The following SHROOM3 variants were observed in gnomAD, a reference collection of about 807,000 sequenced individuals.
SHROOM3 encodes the protein shroom family member 3, also known as protein Shroom3.
In SHROOM3, 47 loss-of-function variants were observed where a neutral mutation model predicts 138.6. That is an observed-to-expected ratio of 0.34 (90% CI 0.27 to 0.43). The LOEUF is 0.43. Ranked by LOEUF, SHROOM3 falls within the 20% of genes least tolerant of loss-of-function variation. The probability of loss-of-function intolerance (pLI) is 1.00; values close to 1 mark genes in which losing one functional copy is unlikely to be tolerated. For missense variants in SHROOM3, 2,491 were observed against 2,596.5 expected, an observed-to-expected ratio of 0.96 and a Z score of 0.88; for synonymous variants, 1,062 against 1,063.3, an observed-to-expected ratio of 1.00 and a Z score of 0.02.
At chr4:76,711,873 T>C (rs1420790207) in intron 3 of SHROOM3, among the ~76,000 whole-genome samples, 1 of 151,052 alleles carries the variant, frequency 6.6e-6, no homozygotes, top group Non-Finnish European at 1.5e-5. Flanking sequence ...AGTTTAAACA[T>C]ACCAAAGGTC....
At chr4:76,472,864 T>C (rs2109983045) in intron 1 of SHROOM3, among the ~76,000 whole-genome samples, 1 of 152,226 alleles carries the variant, frequency 6.6e-6, no homozygotes, top group East Asian at 1.9e-4. Flanking sequence ...CCAGCTAATT[T>C]TTGTATTTTT....
chr4:76,469,553 T>A (rs893630904), intron 1 of SHROOM3, among the ~76,000 whole-genome samples: 2 of 151,950 alleles, frequency 1.3e-5, no homozygotes, highest in Admixed American at 6.6e-5. Context: ...GCCTCCCAGG[T>A]TCAAGCAATT....
At chr4:76,751,733 A>G (rs62303167) in intron 6 of SHROOM3, among the ~76,000 whole-genome samples, 23,357 of 152,220 alleles carry the variant, frequency 0.15, 2,240 homozygotes, top group East Asian at 0.36. Flanking sequence ...ACCACTAATC[A>G]TCAGAGAACT....
At chr4:76,576,283 G>T (rs903628642) in intron 2 of SHROOM3, among the ~76,000 whole-genome samples, 1 of 152,086 alleles carries the variant, frequency 6.6e-6, no homozygotes, top group African/African-American at 2.4e-5. Flanking sequence ...TAAAGAAAAT[G>T]TGGTACTTAC....
intron 1 of SHROOM3, among the ~76,000 whole-genome samples, chr4:76,461,429 G>GAAA (rs1176562902): frequency 6.6e-6 from 1 of 152,152 alleles, no homozygotes; most frequent in Non-Finnish European, 1.5e-5. Flanking sequence ...AAAGAGTTTG[G>GAAA]AAATTAGAAT....
At chr4:76,772,655 A>G (rs1237807026) in intron 10 of SHROOM3, among the ~76,000 whole-genome samples, 1 of 152,160 alleles carries the variant, frequency 6.6e-6, no homozygotes, top group Admixed American at 6.5e-5. Context: ...CTAACTCAGA[A>G]GTGTGTCCTG....
intron 1 of SHROOM3, among the ~76,000 whole-genome samples, chr4:76,461,790 C>T (rs1261348449): frequency 1.3e-5 from 2 of 152,158 alleles, no homozygotes; most frequent in Non-Finnish European, 2.9e-5. Flanking sequence ...TATTGCTTTG[C>T]TCAAGTTATC....
intron 2 of SHROOM3, among the ~76,000 whole-genome samples, chr4:76,654,582 G>C (rs774761938): frequency 6.6e-6 from 1 of 152,164 alleles, no homozygotes; most frequent in Non-Finnish European, 1.5e-5. Context: ...AAGAGTGAAA[G>C]CAGGGAGACA....
At chr4:76,573,039 C>G (rs1280929058) in intron 2 of SHROOM3, among the ~76,000 whole-genome samples, 2 of 151,560 alleles carry the variant, frequency 1.3e-5, no homozygotes, top group African/African-American at 4.9e-5. Flanking sequence ...TGAGATTGCA[C>G]CACTGCACTC....
intron 1 of SHROOM3, among the ~76,000 whole-genome samples, chr4:76,484,570 C>G (rs1437280819): frequency 7.1e-6 from 1 of 139,950 alleles, no homozygotes; most frequent in East Asian, 2.1e-4. Flanking sequence ...GACCCTTACT[C>G]TAAAACAAAC....
intron 2 of SHROOM3, among the ~76,000 whole-genome samples, chr4:76,565,848 A>C (rs1305895623): frequency 1.3e-5 from 2 of 152,126 alleles, no homozygotes; most frequent in Non-Finnish European, 2.9e-5. Context: ...GGCTGGGTGC[A>C]GTAATCCCTA....
intron 2 of SHROOM3, among the ~76,000 whole-genome samples, chr4:76,568,386 A>T (rs1733771070): frequency 6.6e-6 from 1 of 152,114 alleles, no homozygotes; most frequent in African/African-American, 2.4e-5. Flanking sequence ...AGCGTTAGTT[A>T]TTTTTCCTGC....
chr4:76,666,582 T>C (rs1577961509), intron 2 of SHROOM3, among the ~76,000 whole-genome samples: 1 of 152,214 alleles, frequency 6.6e-6, no homozygotes, highest in Non-Finnish European at 1.5e-5. Flanking sequence ...CGGCCTGTTA[T>C]GTAGTCTTTA....
intron 2 of SHROOM3, among the ~76,000 whole-genome samples, chr4:76,562,520 T>C (rs1393608472): frequency 6.6e-6 from 1 of 152,194 alleles, no homozygotes; most frequent in Non-Finnish European, 1.5e-5. Context: ...CTTTTTTAAG[T>C]CCTCTGAAAG....
chr4:76,603,707 T>C (rs1734556856), intron 2 of SHROOM3, among the ~76,000 whole-genome samples: 3 of 152,052 alleles, frequency 2.0e-5, no homozygotes, highest in African/African-American at 7.2e-5. Flanking sequence ...ACATTAGGTA[T>C]TTCTCCTAAC....
intron 1 of SHROOM3, among the ~76,000 whole-genome samples, chr4:76,530,771 C>G (rs1394740059): frequency 6.6e-6 from 1 of 152,124 alleles, no homozygotes; most frequent in Non-Finnish European, 1.5e-5. Flanking sequence ...GCAGAGAGGA[C>G]CAGATTGACA....
intron 1 of SHROOM3, among the ~76,000 whole-genome samples, chr4:76,550,926 G>C (rs898647523): frequency 2.0e-5 from 3 of 150,048 alleles, no homozygotes; most frequent in African/African-American, 7.4e-5. Flanking sequence ...TTGGGTCCAG[G>C]AGTTTGAGGC....
At chr4:76,671,273 C>G (rs918679936) in intron 2 of SHROOM3, among the ~76,000 whole-genome samples, 28 of 152,328 alleles carry the variant, frequency 1.8e-4, no homozygotes, top group African/African-American at 6.5e-4. Context: ...CTGGCCTTGC[C>G]CCACTCCATC....
chr4:76,702,043 A>G (rs1577983138), intron 2 of SHROOM3, among the ~76,000 whole-genome samples: 2 of 152,368 alleles, frequency 1.3e-5, no homozygotes, highest in East Asian at 3.9e-4. Flanking sequence ...GTCACCCAGT[A>G]GTAACATTTT....
Sources: allele counts gnomAD v4.1 joint callset (sites outside exome capture counted in the v4.1 genomes callset), GRCh38; gene constraint gnomAD v4.1.1; transcripts MANE v1.5; gene names NCBI Gene and HGNC (gene_info 2026-07-23, HGNC 2026-07-21).